Variants in UNC5B observed in about 807,000 individuals in gnomAD.
UNC5B encodes unc-5 netrin receptor B.
A neutral mutation model predicts 103.7 loss-of-function variants in UNC5B; 56 were observed. The observed-to-expected ratio is 0.54, with a 90% confidence interval of 0.44 to 0.67. UNC5B has a LOEUF of 0.67. Among genes scored for constraint, UNC5B ranks in the 30% least tolerant of loss-of-function variants. The pLI, the probability that UNC5B is intolerant of heterozygous loss-of-function variation, is 0.00. For missense variants in UNC5B, 1,194 were observed against 1,284.5 expected, an observed-to-expected ratio of 0.93 and a Z score of 1.08; for synonymous variants, 577 against 542.0, an observed-to-expected ratio of 1.06 and a Z score of -0.90.
At chr10:71,227,604 A>G (rs1385107380) in intron 1 of UNC5B, among the ~76,000 whole-genome samples, 5 of 114,360 alleles carry the variant, frequency 4.4e-5, no homozygotes, top group Non-Finnish European at 8.9e-5. Flanking sequence ...GTATACATAC[A>G]TATATACATA....
rs977019656 is a variant in UNC5B at position 71,253,661 on chromosome 10, G to A, written c.80-26160G>A. On this transcript the variant is annotated intron_variant, in intron 1 of 16. Transcript: ENST00000335350. ...GGTTCCTGGCTGAAAGCATTTCCAG[G>A]GTGTCAGAAGCTGTTGGCATCGCCA... Among the ~76,000 whole-genome samples the A allele has an allele frequency of 2.0e-5, 3 of 152,180 alleles. 1 individual carries two copies. The highest frequency in any genetic ancestry group is 7.2e-5 in the African/African-American group (3 of 41,424).
chr10:71,296,752 GTC>G lies in UNC5B; in HGVS notation c.2490+11_2490+12del, dbSNP rs748494200. On this transcript the variant is annotated intron_variant, in intron 15 of 16. Coordinates refer to ENST00000335350, the MANE Select transcript of UNC5B (RefSeq NM_170744.5). ...TACCACTCTGGCAGAGGTGAGGGAAGTCGGGGCCACATATTCCAGCTGCACAC... is the reference window on the plus strand; with the variant it reads ...TACCACTCTGGCAGAGGTGAGGGAAGGGGGCCACATATTCCAGCTGCACAC... 2.9e-5 allele frequency: 47 copies of G among 1,603,376 alleles called. 1 individual carries two copies. Among genetic ancestry groups the G allele is most frequent in the Admixed American group, 1.6e-4 (9 of 56,228 alleles).
intron 2 of UNC5B, among the ~76,000 whole-genome samples, chr10:71,282,453 C>T (rs1406364846): frequency 6.6e-6 from 1 of 152,158 alleles, no homozygotes; most frequent in African/African-American, 2.4e-5. Flanking sequence ...TGAGGTGTCA[C>T]GCCTCCTCCC....
Position 71,212,663 on chromosome 10 carries a change from G to A in UNC5B, c.-323G>A, listed in dbSNP as rs1843250575. On this transcript the variant is annotated 5_prime_UTR_variant, in exon 1 of 17. Coordinates refer to ENST00000335350, the MANE Select transcript of UNC5B (RefSeq NM_170744.5). Reference sequence around the variant, plus strand: ...CGCACTGGGGCTGGGACTGCGCGGCGCCGCCGCTGCGAGCGCCACTGAGCG... The same window carrying A: ...CGCACTGGGGCTGGGACTGCGCGGCACCGCCGCTGCGAGCGCCACTGAGCG... 2 of 222,822 alleles carry A rather than the reference G, an allele frequency of 9.0e-6. No homozygotes were observed. Among genetic ancestry groups the A allele is most frequent in the Non-Finnish European group, 8.7e-6 (1 of 114,406 alleles). 13.8% of individuals were successfully genotyped at this position (222,822 alleles called of 1,614,324 possible).
intron 1 of UNC5B, among the ~76,000 whole-genome samples, chr10:71,224,364 GACAC>G (rs58378731): frequency 0.063 from 6,170 of 97,192 alleles, 407 homozygotes; most frequent in African/African-American, 0.12. Context: ...TCTGTATGTA[GACAC>G]ACACACACAC....
intron 1 of UNC5B, among the ~76,000 whole-genome samples, chr10:71,239,693 G>A (rs1843853243): frequency 6.6e-6 from 1 of 152,256 alleles, no homozygotes; most frequent in South Asian, 2.1e-4. Flanking sequence ...CCACGGGGGC[G>A]GGCAGTGGGC....
Position 71,218,864 on chromosome 10 carries a change from G to T in UNC5B, c.79+5800G>T, listed in dbSNP as rs2066212. On this transcript the variant is annotated intron_variant, in intron 1 of 16. Coordinates refer to ENST00000335350, the MANE Select transcript of UNC5B (RefSeq NM_170744.5). ...AGAGCTTGAGTGGGTGGGATCCCCA[G>T]TGGAGAACCCCATCTCAGGCTGACG... is the stretch of plus-strand genomic sequence containing the variant. 6.3e-3 allele frequency among the ~76,000 whole-genome samples: 961 copies of T among 152,350 alleles called. 29 individuals are homozygous for T. The highest frequency in any genetic ancestry group is 0.047 in the Admixed American group (712 of 15,304).
chr10:71,286,812 G>C lies in UNC5B; in HGVS notation c.676G>C (p.Val226Leu), dbSNP rs199873525. The C allele has an allele frequency of 6.2e-7, 1 of 1,614,174 alleles. No individual in the cohort carries two copies. The highest frequency in any genetic ancestry group is 8.5e-7 in the Non-Finnish European group (1 of 1,180,038). The change falls in exon 5 of 17, where the codon GTG (valine) becomes CTG (leucine). Residue 226 changes from valine to leucine, a missense_variant. Val to Leu is a conservative substitution (Grantham distance 32). Transcript: ENST00000335350. ...RLSDTANYTC[V>L]AKNIVAKRRS... The stretch of plus-strand genomic sequence containing the variant: ...GTCGGACACTGCCAACTATACCTGC[G>C]TGGCCAAGAACATCGTGGCCAAACG...
rs1214497697 is a variant in UNC5B, at chr10:71,302,253, C to G, written c.*2976C>G. The G allele has an allele frequency of 6.6e-6, 1 of 152,098 alleles. No individual in the cohort carries two copies. The highest frequency in any genetic ancestry group is 1.5e-5 in the Non-Finnish European group (1 of 68,122). The allele number at this position is 152,098 out of a possible 1,614,324, so 9.4% of individuals were successfully genotyped here. On this transcript the variant is annotated 3_prime_UTR_variant, in exon 17 of 17. Transcript: ENST00000335350. The stretch of plus-strand genomic sequence containing the variant: ...GGCCCTTACGCAGGTATTTCTCTCT[C>G]TCTCCTCTCTGGGGTGCGTGTGTGC...
At chr10:71,234,886 G>A (rs1453589017) in intron 1 of UNC5B, among the ~76,000 whole-genome samples, 1 of 152,144 alleles carries the variant, frequency 6.6e-6, no homozygotes, top group Non-Finnish European at 1.5e-5. Flanking sequence ...AACACATCAG[G>A]GAGACTCATC....
intron 1 of UNC5B, among the ~76,000 whole-genome samples, chr10:71,240,727 T>C (rs1843880170): frequency 6.6e-6 from 1 of 152,176 alleles, no homozygotes; most frequent in African/African-American, 2.4e-5. Flanking sequence ...GAGGGGAGGA[T>C]GGGGGCAGGA....
chr10:71,270,870 C>T (rs1290698250), intron 1 of UNC5B, among the ~76,000 whole-genome samples: 2 of 152,186 alleles, frequency 1.3e-5, no homozygotes, highest in East Asian at 1.9e-4. Flanking sequence ...AGGTGGGGAG[C>T]CTGCCATTGC....
intron 1 of UNC5B, among the ~76,000 whole-genome samples, chr10:71,232,594 G>A (rs987565816): frequency 5.9e-5 from 9 of 152,274 alleles, no homozygotes; most frequent in East Asian, 3.8e-4. Flanking sequence ...TGATGTCACC[G>A]TGAGCTCCGC....
At chr10:71,278,733 G>A (rs1052170129) in intron 1 of UNC5B, among the ~76,000 whole-genome samples, 31 of 152,186 alleles carry the variant, frequency 2.0e-4, no homozygotes, top group Non-Finnish European at 8.8e-5. Context: ...CCCTCCCTCC[G>A]CTGTAGGTGG....
chr10:71,299,406 C>G lies in UNC5B; in HGVS notation c.*129C>G. 8.6e-7 allele frequency: 1 copy of G among 1,157,712 alleles called. No homozygotes were observed. The highest frequency in any genetic ancestry group is 1.2e-6 in the Non-Finnish European group (1 of 817,466). The allele number at this position is 1,157,712 out of a possible 1,614,324, so 71.7% of individuals were successfully genotyped here. Reference sequence around the variant, plus strand: ...CACAGCCAGAGTTGCCTCTCCTCCTCCTCTTCCCCAACCCCCAGACCATGA... The same window carrying G: ...CACAGCCAGAGTTGCCTCTCCTCCTGCTCTTCCCCAACCCCCAGACCATGA... On this transcript the variant is annotated 3_prime_UTR_variant, in exon 17 of 17. Transcript: ENST00000335350.
chr10:71,293,517 A>G lies in UNC5B; in HGVS notation c.1885A>G (p.Ser629Gly), dbSNP rs1845321923. Reference protein sequence around the residue: ...ILTMPHCAEVSARDWIFQLKT... With the variant: ...ILTMPHCAEVGARDWIFQLKT... ...CACCATGCCCCACTGTGCCGAAGTC[A>G]GTGCCCGTGACTGGATCTTTCAGCT... Residue 629 changes from serine to glycine, a missense_variant, in exon 12 of 17, where the codon AGT becomes GGT. Coordinates refer to ENST00000335350, the MANE Select transcript of UNC5B (RefSeq NM_170744.5). 1 of 1,614,014 alleles carries G rather than the reference A, an allele frequency of 6.2e-7. No individual in the cohort carries two copies. Among genetic ancestry groups the G allele is most frequent in the Admixed American group, 1.7e-5 (1 of 60,030 alleles).
At position 71,279,936 on chromosome 10, in the gene UNC5B, G is replaced by A. The variant is rs1844877900; in HGVS notation, c.195G>A (p.Val65=). 6.2e-7 allele frequency: 1 copy of A among 1,613,976 alleles called. No individual in the cohort carries two copies. The highest frequency in any genetic ancestry group is 2.2e-5 in the East Asian group (1 of 44,880). The change falls in exon 2 of 17, where the codon GTG becomes GTA. Residue 65 remains valine (V), a synonymous_variant. Coordinates refer to ENST00000335350, the MANE Select transcript of UNC5B (RefSeq NM_170744.5). The part of the protein sequence containing the change: ...QDAYIVKNKP[V]ELRCRAFPAT... ...CCTACATTGTGAAGAACAAGCCTGT[G>A]GAGCTCCGCTGCCGCGCCTTCCCCG... is the stretch of plus-strand genomic sequence containing the variant.
At chr10:71,234,017 T>C (rs10999737) in intron 1 of UNC5B, among the ~76,000 whole-genome samples, 40,164 of 152,258 alleles carry the variant, frequency 0.26, 5,964 homozygotes, top group East Asian at 0.37. Flanking sequence ...AGTACAGTTA[T>C]ATGTGTTATA....
chr10:71,287,478 G>C, intron 5 of UNC5B, 120 bp from the exon 6 acceptor site: 3 of 1,259,732 alleles, frequency 2.4e-6, no homozygotes, highest in Non-Finnish European at 3.3e-6. Context: ...GTAGGCAAAA[G>C]GGGTCTCACT....
Sources: gnomAD v4.1 joint callset for allele counts (sites outside exome capture counted in the v4.1 genomes callset) on GRCh38, gnomAD v4.1.1 for gene constraint, MANE v1.5 for transcripts, NCBI Gene and HGNC (gene_info 2026-07-23, HGNC 2026-07-21) for gene names.